Variants in PPP2R2C observed in about 807,000 individuals in gnomAD.
The protein encoded by PPP2R2C is protein phosphatase 2 regulatory subunit Bgamma.
Under a neutral mutation model 45.3 loss-of-function variants are expected in PPP2R2C, and 10 were observed. The ratio of observed to expected loss-of-function variants is 0.22; its 90% CI spans 0.14 to 0.37. PPP2R2C has a LOEUF of 0.37. Ranked by LOEUF, PPP2R2C falls within the 10% of genes least tolerant of loss-of-function variation. PPP2R2C has a pLI of 1.00. For missense variants in PPP2R2C, 308 were observed against 619.7 expected, an observed-to-expected ratio of 0.50 and a Z score of 5.34; for synonymous variants, 257 against 245.4, an observed-to-expected ratio of 1.05 and a Z score of -0.44.
At chr4:6,334,650 C>T (rs1265706064) in intron 6 of PPP2R2C, among the ~76,000 whole-genome samples, 1 of 152,136 alleles carries the variant, frequency 6.6e-6, no homozygotes, top group African/African-American at 2.4e-5. Context: ...GGACCTGGGC[C>T]ACAGAGAGAC....
At position 6,329,256 on chromosome 4, in the gene PPP2R2C, G is replaced by A. The variant is rs1174219825; in HGVS notation, c.1052+6C>T. 6.2e-7 allele frequency: 1 copy of A among 1,612,904 alleles called. No individual in the cohort carries two copies. The highest frequency in any genetic ancestry group is 1.3e-5 in the African/African-American group (1 of 74,918). On this transcript the variant is annotated splice_donor_region_variant and intron_variant, in intron 8 of 8. Transcript: ENST00000382599. This position sits in a 1 kb window ranked among gnomAD's most constrained non-coding sequence, Gnocchi z 5.8. ...AGGTGAGGTGCGGGCTGAGGTCAGGGCTTACCTGTCGCTCCCGTTCCAGGC... is the reference window on the plus strand; with the variant it reads ...AGGTGAGGTGCGGGCTGAGGTCAGGACTTACCTGTCGCTCCCGTTCCAGGC...
intron 6 of PPP2R2C, among the ~76,000 whole-genome samples, chr4:6,336,451 C>T (rs1290044584): frequency 6.6e-6 from 1 of 152,050 alleles, no homozygotes; most frequent in African/African-American, 2.4e-5. Flanking sequence ...CCTTCACCTC[C>T]CTGAGCCCTG....
At chr4:6,390,576 T>G (rs935335011) in intron 1 of PPP2R2C, among the ~76,000 whole-genome samples, 5 of 152,150 alleles carry the variant, frequency 3.3e-5, no homozygotes, top group Non-Finnish European at 7.4e-5. Context: ...AAGCGCCAAG[T>G]CTGGGCGGAG....
intron 2 of PPP2R2C, among the ~76,000 whole-genome samples, chr4:6,502,230 T>G (rs1723082937): frequency 6.6e-6 from 1 of 152,188 alleles, no homozygotes. Context: ...TCTTGGTCAC[T>G]GGGGACCGTC....
At chr4:6,414,109 T>C in intron 1 of PPP2R2C, 1 of 1,315,184 alleles carries the variant, frequency 7.6e-7, no homozygotes, top group Non-Finnish European at 1.0e-6. Context: ...TGTGTGTGTG[T>C]GTGTGTGTGT....
intron 1 of PPP2R2C, among the ~76,000 whole-genome samples, chr4:6,553,336 G>A (rs1451948744): frequency 6.6e-6 from 1 of 152,238 alleles, no homozygotes; most frequent in Non-Finnish European, 1.5e-5. Context: ...ACTGGACAGA[G>A]AGGTGAAAAA....
At chr4:6,411,602 G>T (rs1300290834) in intron 1 of PPP2R2C, among the ~76,000 whole-genome samples, 2 of 148,912 alleles carry the variant, frequency 1.3e-5, no homozygotes, top group Non-Finnish European at 3.0e-5. Flanking sequence ...GCCCAGGCTG[G>T]AGTGCAGTGG....
rs542776674 is a variant in PPP2R2C at position 6,378,199 on chromosome 4, G to A, written c.334+208C>T. 35 of 601,458 alleles carry A rather than the reference G, an allele frequency of 5.8e-5. No individual in the cohort carries two copies. The highest frequency in any genetic ancestry group is 1.3e-4 in the Admixed American group (2 of 15,770). The allele number at this position is 601,458 out of a possible 1,614,324, so 37.3% of individuals were successfully genotyped here. A position where few individuals can be genotyped will look rare whatever the true frequency, so the allele number is the denominator to read the frequency against. On this transcript the variant is annotated intron_variant, in intron 3 of 8. Coordinates refer to ENST00000382599, the MANE Select transcript of PPP2R2C (RefSeq NM_020416.4). The surrounding 1 kb of genome is among the most constrained non-coding windows in gnomAD (Gnocchi z 5.2). ...GGATTTACATGCTGCTCAAAAAGGG[G>A]GGCAGCCCTGTGTCCAGACACAGGG...
chr4:6,512,251 G>A (rs1220547330), intron 2 of PPP2R2C, among the ~76,000 whole-genome samples: 2 of 75,976 alleles, frequency 2.6e-5, no homozygotes, highest in African/African-American at 5.5e-5. Context: ...GGTGGTGGTG[G>A]TGATGGTGGT....
chr4:6,462,908 AAAG>A (rs1460584970), intron 1 of PPP2R2C, among the ~76,000 whole-genome samples: 1 of 152,218 alleles, frequency 6.6e-6, no homozygotes, highest in Non-Finnish European at 1.5e-5. Flanking sequence ...TCACAAATGC[AAAG>A]AAGTTTCTCC....
chr4:6,490,692 G>C (rs771931409), intron 2 of PPP2R2C, among the ~76,000 whole-genome samples: 13 of 152,224 alleles, frequency 8.5e-5, no homozygotes, highest in Non-Finnish European at 1.5e-4. Context: ...ACTCCAGGGA[G>C]AGCGGACGCA....
At chr4:6,493,365 C>T (rs1577219859) in intron 2 of PPP2R2C, among the ~76,000 whole-genome samples, 1 of 151,714 alleles carries the variant, frequency 6.6e-6, no homozygotes, top group Admixed American at 6.6e-5. Flanking sequence ...GGGTGGGGGG[C>T]GTGTGGACAT....
chr4:6,386,724 C>G (rs1355947419), intron 1 of PPP2R2C, among the ~76,000 whole-genome samples: 2 of 152,152 alleles, frequency 1.3e-5, no homozygotes, highest in Non-Finnish European at 2.9e-5. Context: ...GGAAAACCAG[C>G]CATACTTAAT....
chr4:6,398,902 C>T (rs1302394588), intron 1 of PPP2R2C, among the ~76,000 whole-genome samples: 2 of 152,172 alleles, frequency 1.3e-5, no homozygotes, highest in African/African-American at 4.8e-5. Context: ...ACAGAATTCT[C>T]CTCAAAGAAA....
intron 1 of PPP2R2C, among the ~76,000 whole-genome samples, chr4:6,562,801 C>T (rs187641655): frequency 6.6e-6 from 1 of 152,222 alleles, no homozygotes; most frequent in East Asian, 1.9e-4. Context: ...TCAATCCAGG[C>T]GGGGCAGCGT....
At chr4:6,533,768 C>T (rs1724485275) in intron 2 of PPP2R2C, among the ~76,000 whole-genome samples, 1 of 152,108 alleles carries the variant, frequency 6.6e-6, no homozygotes, top group African/African-American at 2.4e-5. Flanking sequence ...TAATGTCCAA[C>T]ACAGGAAATT....
intron 2 of PPP2R2C, among the ~76,000 whole-genome samples, chr4:6,495,167 CCA>C (rs1433849810): frequency 6.6e-6 from 1 of 152,254 alleles, no homozygotes; most frequent in Non-Finnish European, 1.5e-5. Context: ...AGGCTGAGAG[CCA>C]CAGTGTGGGG....
chr4:6,486,380 G>A (rs978526972), intron 2 of PPP2R2C, among the ~76,000 whole-genome samples: 3 of 151,970 alleles, frequency 2.0e-5, no homozygotes, highest in African/African-American at 7.2e-5. Flanking sequence ...ACAGATATAA[G>A]CCAGGTCCAG....
At chr4:6,541,824 C>G (rs560333387) in intron 1 of PPP2R2C, among the ~76,000 whole-genome samples, 1 of 152,286 alleles carries the variant, frequency 6.6e-6, no homozygotes, top group East Asian at 1.9e-4. Context: ...GCCACTGTGC[C>G]CAGCCATGTG....
Sources: allele counts gnomAD v4.1 joint callset (sites outside exome capture counted in the v4.1 genomes callset), GRCh38; gene constraint gnomAD v4.1.1; non-coding constraint Gnocchi (gnomAD v3.1); transcripts MANE v1.5; gene names NCBI Gene and HGNC (gene_info 2026-07-23, HGNC 2026-07-21).